NBEA: variants seen among roughly 807,000 people sequenced by gnomAD.
NBEA encodes the protein lysosomal-trafficking regulator 2.
NBEA carries 44 observed loss-of-function variants against 343.4 expected under a neutral mutation model. The observed-to-expected ratio is 0.13, with a 90% CI of 0.10 to 0.16. The LOEUF (loss-of-function observed/expected upper bound fraction) is 0.16. Ranked by LOEUF, NBEA falls within the 10% of genes least tolerant of loss-of-function variation. NBEA has a pLI of 1.00. For missense variants in NBEA, 2,555 were observed against 3,631.3 expected (o/e 0.70, Z 7.62); for synonymous variants, 1,175 against 1,238.7 (o/e 0.95, Z 1.08).
chr13:35,172,607 A>G (rs2070556071), intron 26 of NBEA, among the ~76,000 whole-genome samples: 1 of 152,118 alleles, frequency 6.6e-6, no homozygotes, highest in Admixed American at 6.6e-5. Context: ...TTAATCAACC[A>G]CAGGAAACTT....
chr13:35,546,087 A>G (rs561667148), intron 41 of NBEA, among the ~76,000 whole-genome samples: 3 of 152,334 alleles, frequency 2.0e-5, no homozygotes, highest in African/African-American at 7.2e-5. Flanking sequence ...GCCAGACACT[A>G]TTTTAGGCAC....
chr13:35,136,989 T>C (rs1327668480), intron 17 of NBEA, among the ~76,000 whole-genome samples: 1 of 152,202 alleles, frequency 6.6e-6, no homozygotes, highest in Non-Finnish European at 1.5e-5. Flanking sequence ...AATAGCAATA[T>C]AGCTCACAAA....
At chr13:35,000,854 G>A (rs1263442223) in intron 1 of NBEA, among the ~76,000 whole-genome samples, 1 of 151,712 alleles carries the variant, frequency 6.6e-6, no homozygotes, top group African/African-American at 2.4e-5. Flanking sequence ...AATTAAATTT[G>A]TTTTTTTACT....
intron 33 of NBEA, among the ~76,000 whole-genome samples, chr13:35,214,251 A>G (rs1289662920): frequency 6.6e-6 from 1 of 151,914 alleles, no homozygotes; most frequent in African/African-American, 2.4e-5. Flanking sequence ...TTCATTTCTT[A>G]TGGCTGAACA....
intron 30 of NBEA, 101 bp downstream of exon 30, chr13:35,184,172 C>A: frequency 3.8e-6 from 3 of 780,218 alleles, no homozygotes; most frequent in East Asian, 3.0e-5. Flanking sequence ...TAAGTATATA[C>A]CTCAGGTTTC....
At chr13:35,210,655 T>C (rs1183020645) in intron 32 of NBEA, among the ~76,000 whole-genome samples, 1 of 152,122 alleles carries the variant, frequency 6.6e-6, no homozygotes, top group Non-Finnish European at 1.5e-5. Context: ...AAATTTACGC[T>C]CAGATAGTTC....
intron 41 of NBEA, among the ~76,000 whole-genome samples, chr13:35,548,328 A>G (rs535154553): frequency 1.4e-4 from 22 of 152,306 alleles, no homozygotes; most frequent in African/African-American, 5.1e-4. Flanking sequence ...TCTGCTTGCT[A>G]TAACTAACGT....
intron 38 of NBEA, among the ~76,000 whole-genome samples, chr13:35,367,537 T>TAGA (rs2041189364): frequency 6.9e-6 from 1 of 145,750 alleles, no homozygotes; most frequent in South Asian, 2.1e-4. Context: ...TGCATACTGT[T>TAGA]AGAAGCTGTT....
chr13:35,094,605 A>G (rs2065241851), intron 10 of NBEA, among the ~76,000 whole-genome samples: 1 of 152,008 alleles, frequency 6.6e-6, no homozygotes, highest in South Asian at 2.1e-4. Context: ...ATTATCTTGG[A>G]TGCGAAATTG....
intron 33 of NBEA, among the ~76,000 whole-genome samples, chr13:35,218,931 A>G (rs1191088922): frequency 1.3e-5 from 2 of 152,028 alleles, no homozygotes; most frequent in Admixed American, 6.6e-5. Context: ...AATATTTAGT[A>G]AACTTCACAA....
intron 38 of NBEA, among the ~76,000 whole-genome samples, chr13:35,422,931 C>A (rs535974441): frequency 4.1e-4 from 62 of 152,310 alleles, no homozygotes; most frequent in African/African-American, 1.4e-3. Flanking sequence ...TGTCTTTTGG[C>A]TGCATAAATG....
At chr13:35,176,963 A>G (rs1026126288) in intron 27 of NBEA, 33 bp from the exon 28 acceptor site, 7 of 1,346,172 alleles carry the variant, frequency 5.2e-6, no homozygotes, top group Non-Finnish European at 7.3e-6. Flanking sequence ...TCTGTAATAT[A>G]TTATCTATTC....
chr13:35,102,545 C>G (rs1032392832), intron 11 of NBEA, among the ~76,000 whole-genome samples: 5 of 151,438 alleles, frequency 3.3e-5, no homozygotes. Flanking sequence ...TTGAGATTTT[C>G]TTTTGTACTT....
intron 34 of NBEA, among the ~76,000 whole-genome samples, chr13:35,267,108 T>C (rs1183751669): frequency 6.6e-6 from 1 of 151,860 alleles, no homozygotes; most frequent in Non-Finnish European, 1.5e-5. Flanking sequence ...GAGTAGGCTG[T>C]GGAGGAGAAG....
chr13:35,665,044 C>T (rs1369558902), intron 55 of NBEA, 41 bp from the exon 56 acceptor site: 1 of 1,323,384 alleles, frequency 7.6e-7, no homozygotes, highest in Non-Finnish European at 1.1e-6. Context: ...TCTCCCCCTG[C>T]TATTGGTCTG....
chr13:35,559,013 T>C (rs1263292837), intron 44 of NBEA, among the ~76,000 whole-genome samples: 2 of 152,162 alleles, frequency 1.3e-5, no homozygotes, highest in Non-Finnish European at 2.9e-5. Flanking sequence ...AAATTATGAA[T>C]ATGAATATCC....
intron 38 of NBEA, among the ~76,000 whole-genome samples, chr13:35,357,536 G>T (rs1379700121): frequency 2.0e-5 from 3 of 152,056 alleles, no homozygotes; most frequent in Non-Finnish European, 4.4e-5. Flanking sequence ...ACTTGTAAGT[G>T]AGAACACGTG....
intron 12 of NBEA, 40 bp from the exon 13 acceptor site, chr13:35,110,770 T>G: frequency 4.6e-6 from 7 of 1,535,908 alleles, no homozygotes; most frequent in Non-Finnish European, 6.2e-6. Context: ...CTTGAGGCAT[T>G]TTAAATTCAT....
chr13:35,181,262 G>T (rs1593638780), intron 28 of NBEA, among the ~76,000 whole-genome samples: 1 of 151,964 alleles, frequency 6.6e-6, no homozygotes, highest in East Asian at 1.9e-4. Flanking sequence ...TTCCACGGTG[G>T]TTGTACTAGT....
Sources: allele counts gnomAD v4.1 joint callset (sites outside exome capture counted in the v4.1 genomes callset), GRCh38; gene constraint gnomAD v4.1.1; transcripts MANE v1.5; gene names NCBI Gene and HGNC (gene_info 2026-07-23, HGNC 2026-07-21).